CSNK2A1: variants seen among roughly 807,000 people sequenced by gnomAD.
The protein encoded by CSNK2A1 is casein kinase 2 alpha 1.
In CSNK2A1, 10 loss-of-function variants were observed where a neutral mutation model predicts 62.9. The observed-to-expected ratio is 0.16, with a 90% CI of 0.10 to 0.27. CSNK2A1 has a LOEUF of 0.27. Among genes scored for constraint, CSNK2A1 ranks in the 10% least tolerant of loss-of-function variants. The pLI, the probability that CSNK2A1 is intolerant of heterozygous loss-of-function variation, is 1.00. For missense variants in CSNK2A1, 160 were observed against 492.0 expected (o/e 0.33, Z 6.38); for synonymous variants, 124 against 167.8 (o/e 0.74, Z 2.02).
chr20:487,400 C>T (rs1433234175), intron 12 of CSNK2A1, 27 bp downstream of exon 12: 12 of 1,612,868 alleles, frequency 7.4e-6, no homozygotes, highest in Non-Finnish European at 1.0e-5. Flanking sequence ...CCTGCACAAA[C>T]TCTGTGGGCT....
At chr20:500,083 TCTC>T (rs2018429373) in intron 4 of CSNK2A1, 149 bp from the exon 5 acceptor site, 2 of 636,308 alleles carry the variant, frequency 3.1e-6, no homozygotes, top group Admixed American at 2.8e-5. Flanking sequence ...TCTGAATCCT[TCTC>T]CTAGCACTGT....
intron 2 of CSNK2A1, among the ~76,000 whole-genome samples, chr20:527,221 A>T (rs1442939959): frequency 6.6e-6 from 1 of 152,228 alleles, no homozygotes; most frequent in Non-Finnish European, 1.5e-5. Context: ...AAATTCCCAG[A>T]AGAAAAATAA....
intron 2 of CSNK2A1, among the ~76,000 whole-genome samples, chr20:513,201 C>A (rs1189648848): frequency 6.6e-6 from 1 of 152,220 alleles, no homozygotes; most frequent in African/African-American, 2.4e-5. Context: ...CCACTTTACT[C>A]TTCTGGTTAA....
intron 10 of CSNK2A1, 70 bp from the exon 11 acceptor site, chr20:488,848 A>G: frequency 1.4e-6 from 2 of 1,417,298 alleles, no homozygotes; most frequent in Non-Finnish European, 2.0e-6. Flanking sequence ...ATTAACAATG[A>G]TTGAATTTAC....
At chr20:540,420 T>C (rs1468691722) in intron 1 of CSNK2A1, among the ~76,000 whole-genome samples, 1 of 152,228 alleles carries the variant, frequency 6.6e-6, no homozygotes, top group Admixed American at 6.5e-5. Context: ...CTAAACTTAG[T>C]TGCTACTATG....
chr20:488,815 C>T, intron 10 of CSNK2A1, 37 bp from the exon 11 acceptor site: 1 of 1,541,536 alleles, frequency 6.5e-7, no homozygotes, highest in Non-Finnish European at 8.9e-7. Context: ...ATATCACAAG[C>T]ATATTATATT....
At chr20:503,542 T>A in intron 4 of CSNK2A1, 1 of 398,680 alleles carries the variant, frequency 2.5e-6, no homozygotes, top group Admixed American at 4.4e-5. Context: ...TCGTTGAATC[T>A]GCCAGACACT....
At chr20:520,844 T>C (rs1042001557) in intron 2 of CSNK2A1, among the ~76,000 whole-genome samples, 27 of 152,186 alleles carry the variant, frequency 1.8e-4, no homozygotes, top group African/African-American at 5.5e-4. Flanking sequence ...TCATAAACTT[T>C]AATCTAAATC....
intron 2 of CSNK2A1, among the ~76,000 whole-genome samples, chr20:524,092 A>T (rs897709410): frequency 3.3e-5 from 5 of 151,922 alleles, no homozygotes; most frequent in African/African-American, 4.8e-5. Context: ...AAAAAAATTT[A>T]AAAAAAGGAA....
At chr20:528,122 A>T (rs2019136522) in intron 1 of CSNK2A1, 73 bp from the exon 2 acceptor site, 1 of 152,210 alleles carries the variant, frequency 6.6e-6, no homozygotes, top group South Asian at 2.1e-4. Flanking sequence ...TTGCAGAAAG[A>T]ATAAGTACAC....
chr20:487,823 TACTTGACAGGACGTG>T, intron 11 of CSNK2A1: 1 of 545,242 alleles, frequency 1.8e-6, no homozygotes, highest in South Asian at 2.3e-5. Flanking sequence ...TAATTCAGGT[TACTTGACAGGACGTG>T]ACCGCTTCTG....
At chr20:506,091 T>G (rs916107850) in intron 3 of CSNK2A1, 1 of 151,918 alleles carries the variant, frequency 6.6e-6, no homozygotes, top group Non-Finnish European at 1.5e-5. Flanking sequence ...TTAGCCAGGA[T>G]GGTCTCGATC....
At chr20:525,875 A>G (rs995718723) in intron 2 of CSNK2A1, among the ~76,000 whole-genome samples, 4 of 147,246 alleles carry the variant, frequency 2.7e-5, no homozygotes. Context: ...GTGTGGTGGC[A>G]TGCACCTGTG....
At chr20:540,668 A>G (rs1429494655) in intron 1 of CSNK2A1, among the ~76,000 whole-genome samples, 1 of 152,022 alleles carries the variant, frequency 6.6e-6, no homozygotes, top group Non-Finnish European at 1.5e-5. Flanking sequence ...CTTTTCTATC[A>G]TGCCCCTCAA....
At position 478,031 on chromosome 20, in the gene CSNK2A1, A is replaced by T. The variant is rs2017883087; in HGVS notation, c.*5930T>A. The T allele has an allele frequency of 6.6e-6, 1 of 151,850 alleles. No individual in the cohort carries two copies. Among genetic ancestry groups the T allele is most frequent in the Non-Finnish European group, 1.5e-5 (1 of 67,970 alleles). The allele number at this position is 151,850 out of a possible 1,614,324, so 9.4% of individuals were successfully genotyped here. A position where few individuals can be genotyped will look rare whatever the true frequency, so the allele number is the denominator to read the frequency against. On this transcript the variant is annotated 3_prime_UTR_variant, in exon 14 of 14. Transcript: ENST00000217244. ...ATTTTTCCTAGGATTTTTTTTTTAA[A>T]ACAGTTGGAATTATCCCATATACAC...
intron 2 of CSNK2A1, among the ~76,000 whole-genome samples, chr20:511,166 C>T (rs2018711275): frequency 6.6e-6 from 1 of 151,912 alleles, no homozygotes; most frequent in Non-Finnish European, 1.5e-5. Flanking sequence ...TGGTAAAACC[C>T]CATCTCTACT....
In CSNK2A1 at chr20:497,777, A is replaced by G; in HGVS notation, c.370T>C (p.Leu124=). 6.2e-7 allele frequency: 1 copy of G among 1,612,450 alleles called. No homozygotes were observed. Among genetic ancestry groups the G allele is most frequent in the South Asian group, 1.1e-5 (1 of 90,998 alleles). ...TCATAGTCTGTTAACGTCTGGTACA[A>G]TTGCTGTTAAAGACAAATGTTTGAG... is the stretch of plus-strand genomic sequence containing the variant. The part of the protein sequence containing the change: ...EHVNNTDFKQ[L]YQTLTDYDIR... The change falls in exon 7 of 14, where the codon TTG becomes CTG. Residue 124 remains leucine, a synonymous_variant. Transcript: ENST00000217244.
At position 499,672 on chromosome 20, in the gene CSNK2A1, A is replaced by C; in HGVS notation, c.315+161T>G. ...TAGTCTGTGGGTGGAGGTCTCTTTG[A>C]AAGAAAGACCCAAGCTAGTTAAATG... is the stretch of plus-strand genomic sequence containing the variant. On this transcript the variant is annotated intron_variant, in intron 5 of 13. Coordinates refer to ENST00000217244, the MANE Select transcript of CSNK2A1 (RefSeq NM_177559.3). The surrounding 1 kb of genome is among the most constrained non-coding windows in gnomAD (Gnocchi z 4.2). 2.9e-6 allele frequency: 2 copies of C among 678,380 alleles called. No homozygotes were observed. The highest frequency in any genetic ancestry group is 2.6e-6 in the Non-Finnish European group (1 of 387,360). The allele number at this position is 678,380 out of a possible 1,614,324, so 42.0% of individuals were successfully genotyped here. A position where few individuals can be genotyped will look rare whatever the true frequency, so the allele number is the denominator to read the frequency against.
rs1456509192 is a variant in CSNK2A1 at position 477,452 on chromosome 20, T to G, written c.*6509A>C. 1 of 152,302 alleles carries G rather than the reference T, an allele frequency of 6.6e-6. No individual in the cohort carries two copies. Among genetic ancestry groups the G allele is most frequent in the Non-Finnish European group, 1.5e-5 (1 of 68,124 alleles). 9.4% of individuals were successfully genotyped at this position (152,302 alleles called of 1,614,324 possible). On this transcript the variant is annotated 3_prime_UTR_variant, in exon 14 of 14. Coordinates refer to ENST00000217244, the MANE Select transcript of CSNK2A1 (RefSeq NM_177559.3). ...CCAAAGTGTTCCAACCACAGGTGTG[T>G]GGGCCTTCCGTGGTATCTTAACCTC...
Sources: gnomAD v4.1 joint callset for allele counts (sites outside exome capture counted in the v4.1 genomes callset) on GRCh38, gnomAD v4.1.1 for gene constraint, Gnocchi (gnomAD v3.1) non-coding constraint, MANE v1.5 for transcripts, NCBI Gene and HGNC (gene_info 2026-07-23, HGNC 2026-07-21) for gene names.